GALNT13: variants seen among roughly 807,000 people sequenced by gnomAD.
GALNT13 encodes the protein polypeptide N-acetylgalactosaminyltransferase 13.
A neutral mutation model predicts 64.2 loss-of-function variants in GALNT13; 28 were observed. The ratio of observed to expected loss-of-function variants is 0.44; its 90% CI spans 0.32 to 0.60. GALNT13 has a LOEUF of 0.60. GALNT13 is among the 20% of genes least tolerant of loss of function. The pLI, the probability that GALNT13 is intolerant of heterozygous loss-of-function variation, is 0.05. For synonymous variants in GALNT13, 214 were observed against 224.6 expected (o/e 0.95, Z 0.42); for missense variants, 577 against 669.8 (o/e 0.86, Z 1.53).
At chr2:154,171,978 AC>A (rs1685375939) in intron 4 of GALNT13, among the ~76,000 whole-genome samples, 2 of 67,038 alleles carry the variant, frequency 3.0e-5, no homozygotes, top group African/African-American at 1.0e-4. Context: ...TCATACACAC[AC>A]ACACACACAC....
chr2:154,348,573 C>T (rs1023844379), intron 9 of GALNT13, among the ~76,000 whole-genome samples: 7 of 151,940 alleles, frequency 4.6e-5, no homozygotes, highest in East Asian at 1.9e-4. Flanking sequence ...GCCCTGACCC[C>T]GAAGTCTGTC....
chr2:153,509,297 C>T, the GALNT13 span, among the ~76,000 whole-genome samples: 2 of 152,190 alleles, frequency 1.3e-5, no homozygotes, highest in Non-Finnish European at 2.9e-5. Flanking sequence ...GGGGCTCCCG[C>T]CCTGCCAACT....
At chr2:153,275,660 C>T in the GALNT13 span, among the ~76,000 whole-genome samples, 1 of 152,118 alleles carries the variant, frequency 6.6e-6, no homozygotes, top group Non-Finnish European at 1.5e-5. Flanking sequence ...TACTGCTACT[C>T]GTTCTTTATA....
the GALNT13 span, among the ~76,000 whole-genome samples, chr2:153,821,618 TG>T: frequency 6.6e-6 from 1 of 152,134 alleles, no homozygotes; most frequent in Non-Finnish European, 1.5e-5. Context: ...AAATGCTAAA[TG>T]CCTATATCAA....
intron 9 of GALNT13, among the ~76,000 whole-genome samples, chr2:154,329,820 T>TTCCTTCTTTCTCTCTC (rs1249691161): frequency 6.6e-6 from 1 of 151,984 alleles, no homozygotes; most frequent in Non-Finnish European, 1.5e-5. Flanking sequence ...CTCTGCCTCT[T>TTCCTTCTTTCTCTCTC]TCCTTCTTTC....
Position 154,446,511 on chromosome 2 carries a change from T to C in GALNT13, c.1531-3900T>C, listed in dbSNP as rs891507734. 1.4e-5 allele frequency: 21 copies of C among 1,462,996 alleles called. No homozygotes were observed. The Admixed American group carries it at 5.1e-4, about 35-fold the overall frequency. The allele number at this position is 1,462,996 out of a possible 1,614,324, so 90.6% of individuals were successfully genotyped here. On this transcript the variant is annotated intron_variant, in intron 12 of 12. Transcript: ENST00000392825. ...TTGCATGTTGCCTAGGATGATTGAT[T>C]TATTACTGTCTTTGTACTTGATTTT...
the GALNT13 span, among the ~76,000 whole-genome samples, chr2:153,483,410 C>CTTTTTTTTTTTTTTTTTTTTT: frequency 1.4e-5 from 1 of 71,776 alleles, no homozygotes; most frequent in Non-Finnish European, 2.6e-5. Context: ...GAATAAAATT[C>CTTTTTTTTTTTTTTTTTTTTT]TTTTTTTTTT....
the GALNT13 span, among the ~76,000 whole-genome samples, chr2:153,558,378 G>C: frequency 6.6e-6 from 1 of 152,154 alleles, no homozygotes; most frequent in Non-Finnish European, 1.5e-5. Flanking sequence ...TGTAACTGGG[G>C]TTCACTGAGA....
At chr2:153,791,596 A>G in the GALNT13 span, among the ~76,000 whole-genome samples, 271 of 152,224 alleles carry the variant, frequency 1.8e-3, no homozygotes, top group African/African-American at 6.2e-3. Context: ...AGGAATATCA[A>G]TTTTTCTACC....
chr2:153,774,261 T>C, the GALNT13 span, among the ~76,000 whole-genome samples: 1 of 152,120 alleles, frequency 6.6e-6, no homozygotes, highest in Admixed American at 6.5e-5. Context: ...GAGTAAATGC[T>C]TAGTAAATAT....
At chr2:153,421,847 C>A in the GALNT13 span, 1 of 187,142 alleles carries the variant, frequency 5.3e-6, no homozygotes, top group Non-Finnish European at 1.1e-5. Flanking sequence ...GGTCTTGTCA[C>A]TTGGCATTGG....
chr2:153,828,232 C>T, the GALNT13 span, among the ~76,000 whole-genome samples: 1 of 152,250 alleles, frequency 6.6e-6, no homozygotes, highest in African/African-American at 2.4e-5. Flanking sequence ...CCTCTTCTCA[C>T]AGCCCCACTG....
At chr2:154,252,030 A>C (rs564771496) in intron 7 of GALNT13, among the ~76,000 whole-genome samples, 3 of 152,138 alleles carry the variant, frequency 2.0e-5, no homozygotes, top group Non-Finnish European at 4.4e-5. Context: ...TTTATAATCT[A>C]TGGAAAATGT....
chr2:153,708,373 A>G, the GALNT13 span, among the ~76,000 whole-genome samples: 5 of 152,136 alleles, frequency 3.3e-5, no homozygotes, highest in Non-Finnish European at 7.4e-5. Flanking sequence ...AGTTTATGAC[A>G]GGGTGTAAAA....
chr2:153,407,378 C>T, the GALNT13 span, among the ~76,000 whole-genome samples: 1 of 152,198 alleles, frequency 6.6e-6, no homozygotes, highest in Non-Finnish European at 1.5e-5. Context: ...AGGTTGCCTT[C>T]TCAAATAGCT....
At chr2:153,977,917 C>A (rs540336950) in intron 3 of GALNT13, among the ~76,000 whole-genome samples, 1 of 151,956 alleles carries the variant, frequency 6.6e-6, no homozygotes, top group Admixed American at 6.6e-5. Context: ...TAGAGAAATA[C>A]GATCTTTCAA....
At chr2:153,803,900 C>T in the GALNT13 span, among the ~76,000 whole-genome samples, 1 of 151,980 alleles carries the variant, frequency 6.6e-6, no homozygotes, top group Non-Finnish European at 1.5e-5. Context: ...AAATAAATTT[C>T]TGTTGTTTAA....
chr2:153,594,773 G>A, the GALNT13 span, among the ~76,000 whole-genome samples: 1 of 152,066 alleles, frequency 6.6e-6, no homozygotes, highest in Non-Finnish European at 1.5e-5. Context: ...AGTTTTACAA[G>A]TTAAAAGCAA....
chr2:154,135,163 C>T (rs1682877571), intron 3 of GALNT13, among the ~76,000 whole-genome samples: 1 of 152,040 alleles, frequency 6.6e-6, no homozygotes, highest in Admixed American at 6.6e-5. Flanking sequence ...TAGTGGCTTC[C>T]TCCTTTGCTT....
Sources: gnomAD v4.1 joint callset for allele counts (sites outside exome capture counted in the v4.1 genomes callset) on GRCh38, gnomAD v4.1.1 for gene constraint, MANE v1.5 for transcripts, NCBI Gene and HGNC (gene_info 2026-07-23, HGNC 2026-07-21) for gene names.